DLG2: variants seen among roughly 807,000 people sequenced by gnomAD.
DLG2 encodes discs large MAGUK scaffold protein 2, also known as disks large homolog 2.
DLG2 carries 45 observed loss-of-function variants against 132.5 expected under a neutral mutation model. The ratio of observed to expected loss-of-function variants is 0.34; its 90% confidence interval spans 0.27 to 0.44. The LOEUF (loss-of-function observed/expected upper bound fraction) is 0.44. Among genes scored for constraint, DLG2 ranks in the 20% least tolerant of loss-of-function variants. DLG2 has a pLI of 1.00. For synonymous variants in DLG2, 424 were observed against 419.6 expected, an observed-to-expected ratio of 1.01 and a Z score of -0.13; for missense variants, 1,045 against 1,196.9, an observed-to-expected ratio of 0.87 and a Z score of 1.87.
chr11:83,823,002 A>T (rs887445884), intron 17 of DLG2, among the ~76,000 whole-genome samples: 11 of 152,142 alleles, frequency 7.2e-5, no homozygotes, highest in Non-Finnish European at 2.9e-5. Flanking sequence ...CAGCAGCATG[A>T]TCACTTTCCT....
intron 18 of DLG2, chr11:83,643,801 C>T (rs1296499334): frequency 6.6e-6 from 1 of 151,858 alleles, no homozygotes; most frequent in Admixed American, 6.6e-5. Flanking sequence ...CGCAGCAAAG[C>T]TGGGACTCAA....
intron 3 of DLG2, among the ~76,000 whole-genome samples, chr11:85,501,975 T>G (rs2093814793): frequency 1.3e-5 from 2 of 152,170 alleles, no homozygotes; most frequent in Admixed American, 6.6e-5. Context: ...ACACGTATGT[T>G]TATTGTGGCA....
At chr11:84,042,507 A>G (rs1321475252) in intron 11 of DLG2, among the ~76,000 whole-genome samples, 1 of 151,762 alleles carries the variant, frequency 6.6e-6, no homozygotes, top group African/African-American at 2.4e-5. Flanking sequence ...AAATTTTTTG[A>G]TGTTGCTCTT....
At chr11:83,827,277 A>G (rs1317943005) in intron 17 of DLG2, among the ~76,000 whole-genome samples, 5 of 152,168 alleles carry the variant, frequency 3.3e-5, no homozygotes, top group African/African-American at 9.7e-5. Flanking sequence ...TGACCTTATC[A>G]GTACCCCAAG....
chr11:85,306,119 TTAAAC>T (rs1482032050), intron 3 of DLG2, among the ~76,000 whole-genome samples: 2 of 152,180 alleles, frequency 1.3e-5, no homozygotes, highest in African/African-American at 2.4e-5. Flanking sequence ...TATTGTAAGA[TTAAAC>T]TAAATTATAT....
intron 6 of DLG2, among the ~76,000 whole-genome samples, chr11:84,633,270 A>C (rs2099635175): frequency 1.3e-5 from 2 of 152,114 alleles, no homozygotes; most frequent in South Asian, 4.1e-4. Flanking sequence ...TACCTTTCCC[A>C]ACAAAATCTG....
chr11:83,964,672 T>C (rs1335623299), intron 13 of DLG2, among the ~76,000 whole-genome samples: 1 of 151,984 alleles, frequency 6.6e-6, no homozygotes, highest in Admixed American at 6.6e-5. Context: ...TGTTGACCTA[T>C]TAAGAAGAGG....
intron 3 of DLG2, among the ~76,000 whole-genome samples, chr11:85,298,673 G>A (rs891772822): frequency 6.6e-6 from 1 of 151,770 alleles, no homozygotes; most frequent in African/African-American, 2.4e-5. Flanking sequence ...TACCAATATT[G>A]GTAATATTGG....
chr11:85,563,446 C>T (rs1204033719), intron 3 of DLG2, among the ~76,000 whole-genome samples: 1 of 151,374 alleles, frequency 6.6e-6, no homozygotes, highest in East Asian at 1.9e-4. Context: ...CTTTGTGCCA[C>T]TTCCCAGCCA....
chr11:85,204,934 G>A lies in DLG2; in HGVS notation c.187-50283C>T, dbSNP rs116591848. Among the ~76,000 whole-genome samples the A allele has an allele frequency of 4.7e-3, 707 of 151,982 alleles. 5 individuals are homozygous for A. Among genetic ancestry groups the A allele is most frequent in the African/African-American group, 0.016 (649 of 41,506 alleles). The stretch of plus-strand genomic sequence containing the variant: ...GTGTCAAGAAAATGCATTGGAGAAG[G>A]GACAGACTATTCAAGAAATGGTGCT... On this transcript the variant is annotated intron_variant, in intron 4 of 27. Transcript: ENST00000376104.
intron 3 of DLG2, among the ~76,000 whole-genome samples, chr11:85,397,209 T>G (rs1565430766): frequency 6.6e-6 from 1 of 152,156 alleles, no homozygotes; most frequent in Non-Finnish European, 1.5e-5. Context: ...AATAAAATCC[T>G]TTACAGACAA....
At chr11:84,996,733 A>C (rs1197478614) in intron 6 of DLG2, among the ~76,000 whole-genome samples, 1 of 152,176 alleles carries the variant, frequency 6.6e-6, no homozygotes, top group East Asian at 1.9e-4. Context: ...ATGAAATCAC[A>C]CCACTATCTG....
At chr11:84,750,802 T>C (rs1381300035) in intron 6 of DLG2, among the ~76,000 whole-genome samples, 1 of 152,152 alleles carries the variant, frequency 6.6e-6, no homozygotes, top group Non-Finnish European at 1.5e-5. Context: ...ACTAGGATGA[T>C]ATGTGTAATT....
intron 21 of DLG2, among the ~76,000 whole-genome samples, chr11:83,496,468 C>T (rs559652482): frequency 6.6e-6 from 1 of 152,126 alleles, no homozygotes; most frequent in African/African-American, 2.4e-5. Flanking sequence ...TAGAAAATTA[C>T]CTAACAGAAA....
chr11:84,751,203 G>C (rs2066067774), intron 6 of DLG2, among the ~76,000 whole-genome samples: 1 of 152,102 alleles, frequency 6.6e-6, no homozygotes, highest in Non-Finnish European at 1.5e-5. Flanking sequence ...ATGAATCAAA[G>C]AGACCATGGG....
intron 3 of DLG2, among the ~76,000 whole-genome samples, chr11:85,429,144 T>A (rs1020142088): frequency 6.6e-5 from 10 of 152,184 alleles, no homozygotes; most frequent in South Asian, 2.1e-4. Flanking sequence ...TAATAGCTTA[T>A]CAATCAAAAG....
intron 18 of DLG2, among the ~76,000 whole-genome samples, chr11:83,650,622 A>T (rs1229493334): frequency 1.3e-5 from 2 of 152,240 alleles, no homozygotes; most frequent in Non-Finnish European, 2.9e-5. Flanking sequence ...CAATGTTCCC[A>T]GATATGAAAA....
At chr11:84,814,881 G>A (rs1598738070) in intron 6 of DLG2, among the ~76,000 whole-genome samples, 1 of 152,038 alleles carries the variant, frequency 6.6e-6, no homozygotes, top group Non-Finnish European at 1.5e-5. Flanking sequence ...CATAGTAAAA[G>A]GTCTGCTTTA....
intron 7 of DLG2, among the ~76,000 whole-genome samples, chr11:84,349,431 T>C (rs1206754084): frequency 6.6e-6 from 1 of 151,456 alleles, no homozygotes; most frequent in Non-Finnish European, 1.5e-5. Context: ...TTATATTTTA[T>C]TTCAACCCTT....
Sources: gnomAD v4.1 joint callset for allele counts (sites outside exome capture counted in the v4.1 genomes callset) on GRCh38, gnomAD v4.1.1 for gene constraint, MANE v1.5 for transcripts, NCBI Gene and HGNC (gene_info 2026-07-23, HGNC 2026-07-21) for gene names.